Variants in ERBB4 observed in about 807,000 individuals in gnomAD.
The protein encoded by ERBB4 is receptor tyrosine-protein kinase erbB-4.
A neutral mutation model predicts 158.0 loss-of-function variants in ERBB4; 42 were observed. That is an observed-to-expected ratio of 0.27 (90% CI 0.21 to 0.34). The LOEUF (loss-of-function observed/expected upper bound fraction) is 0.34, where lower values mean the gene tolerates loss of function less well. ERBB4 is among the 10% of genes least tolerant of loss of function. ERBB4 has a pLI of 1.00. For synonymous variants in ERBB4, 583 were observed against 558.7 expected (o/e 1.04, Z -0.61); for missense variants, 1,333 against 1,624.1 (o/e 0.82, Z 3.08).
intron 1 of ERBB4, among the ~76,000 whole-genome samples, chr2:212,317,687 T>C (rs551284246): frequency 2.0e-4 from 30 of 151,706 alleles, no homozygotes; most frequent in Admixed American, 1.5e-3. Flanking sequence ...TCCAGTCCCA[T>C]GCTTTACAGA....
intron 1 of ERBB4, among the ~76,000 whole-genome samples, chr2:212,191,596 CATGT>C (rs1225426682): frequency 7.8e-5 from 11 of 141,702 alleles, no homozygotes; most frequent in Non-Finnish European, 9.0e-5. Flanking sequence ...ATATATAACA[CATGT>C]GTTATGCCTG....
rs1575317125 is a variant in ERBB4 at position 211,886,145 on chromosome 2, C to T, written c.421+61285G>A. Among the ~76,000 whole-genome samples the T allele has an allele frequency of 2.0e-5, 3 of 152,296 alleles. 1 individual carries two copies. Among genetic ancestry groups the T allele is most frequent in the Admixed American group, 1.3e-4 (2 of 15,294 alleles). ...TTCTGTTTTCTCTGTCTTAGATACA[C>T]TCATCACAGGTATCTGCTGAGTTCT... On this transcript the variant is annotated intron_variant, in intron 3 of 27. Transcript: ENST00000342788.
chr2:212,535,537 TCTA>T (rs1693003619), intron 1 of ERBB4, among the ~76,000 whole-genome samples: 1 of 152,180 alleles, frequency 6.6e-6, no homozygotes, highest in South Asian at 2.1e-4. Flanking sequence ...TCATCGTTTA[TCTA>T]CTAAGGTATA....
chr2:211,475,942 A>G (rs2064942479), intron 20 of ERBB4, among the ~76,000 whole-genome samples: 3 of 152,176 alleles, frequency 2.0e-5, no homozygotes, highest in Admixed American at 2.0e-4. Flanking sequence ...AAATAACAAA[A>G]TAACTACACG....
At chr2:211,903,152 C>T (rs942423343) in intron 3 of ERBB4, among the ~76,000 whole-genome samples, 2 of 145,876 alleles carry the variant, frequency 1.4e-5, no homozygotes, top group Non-Finnish European at 3.0e-5. Context: ...TTCAAATCAT[C>T]AGATTGAGTG....
intron 1 of ERBB4, among the ~76,000 whole-genome samples, chr2:212,388,270 C>T (rs1198629698): frequency 1.3e-5 from 2 of 152,046 alleles, no homozygotes; most frequent in African/African-American, 4.8e-5. Flanking sequence ...TAATAGGTTG[C>T]TGCATGATTT....
intron 7 of ERBB4, among the ~76,000 whole-genome samples, chr2:211,721,338 A>G (rs1022310873): frequency 2.0e-5 from 3 of 150,672 alleles, no homozygotes; most frequent in African/African-American, 4.9e-5. Context: ...GTCACATTAT[A>G]TGTATAGCAC....
intron 1 of ERBB4, among the ~76,000 whole-genome samples, chr2:212,254,942 A>G (rs903466826): frequency 1.3e-5 from 2 of 152,196 alleles, no homozygotes; most frequent in African/African-American, 4.8e-5. Context: ...AAACATTCAG[A>G]TGTCACCTAA....
intron 20 of ERBB4, among the ~76,000 whole-genome samples, chr2:211,542,583 G>A (rs1052573766): frequency 3.9e-5 from 6 of 151,954 alleles, no homozygotes; most frequent in African/African-American, 1.4e-4. Flanking sequence ...GTTAGAAGAT[G>A]TTCTAAAAAT....
At chr2:211,489,481 TA>T (rs1574593791) in intron 20 of ERBB4, among the ~76,000 whole-genome samples, 1 of 152,010 alleles carries the variant, frequency 6.6e-6, no homozygotes, top group Non-Finnish European at 1.5e-5. Context: ...TGAACAATAC[TA>T]AATGCTGGCT....
chr2:212,273,118 C>A (rs1362566112), intron 1 of ERBB4, among the ~76,000 whole-genome samples: 5 of 151,736 alleles, frequency 3.3e-5, no homozygotes, highest in Admixed American at 3.3e-4. Context: ...CTTTCTTTCA[C>A]CATTTCTGGA....
intron 15 of ERBB4, among the ~76,000 whole-genome samples, chr2:211,663,277 T>C (rs911852091): frequency 6.6e-6 from 1 of 152,152 alleles, no homozygotes; most frequent in Admixed American, 6.6e-5. Context: ...ATGAAGGTGT[T>C]TTAAAAACAG....
chr2:211,442,402 CCA>C (rs1305405925), intron 20 of ERBB4, among the ~76,000 whole-genome samples: 5 of 152,104 alleles, frequency 3.3e-5, no homozygotes, highest in African/African-American at 1.2e-4. Flanking sequence ...ATCCATCCAT[CCA>C]TCCATCCATC....
chr2:211,689,238 T>TG (rs1398939791), intron 12 of ERBB4, among the ~76,000 whole-genome samples: 15 of 152,166 alleles, frequency 9.9e-5, no homozygotes, highest in Non-Finnish European at 5.9e-5. Flanking sequence ...TCTGTTGCCC[T>TG]GGCTGGAGTG....
chr2:212,442,254 T>C (rs1007420269), intron 1 of ERBB4, among the ~76,000 whole-genome samples: 1 of 152,080 alleles, frequency 6.6e-6, no homozygotes, highest in Non-Finnish European at 1.5e-5. Flanking sequence ...AAGACTAATT[T>C]GAATTACAAA....
At chr2:212,079,136 T>G (rs2078359957) in intron 2 of ERBB4, among the ~76,000 whole-genome samples, 1 of 151,374 alleles carries the variant, frequency 6.6e-6, no homozygotes. Context: ...TTTATATATA[T>G]GTATCAGATA....
chr2:211,634,373 T>C (rs528323495), intron 16 of ERBB4, among the ~76,000 whole-genome samples: 6 of 152,326 alleles, frequency 3.9e-5, no homozygotes, highest in Middle Eastern at 3.4e-3. Context: ...ATTACTATTA[T>C]GTTTCTTACA....
intron 1 of ERBB4, among the ~76,000 whole-genome samples, chr2:212,283,521 AAATAAG>A (rs1416952168): frequency 6.6e-6 from 1 of 152,020 alleles, no homozygotes; most frequent in African/African-American, 2.4e-5. Flanking sequence ...GTTTCATGCA[AAATAAG>A]ATATGTATCA....
At chr2:212,334,043 T>A (rs951040716) in intron 1 of ERBB4, among the ~76,000 whole-genome samples, 10 of 152,170 alleles carry the variant, frequency 6.6e-5, no homozygotes, top group African/African-American at 2.4e-4. Flanking sequence ...TCTTTCAATT[T>A]ATAATTCTAA....
Sources: gnomAD v4.1 joint callset for allele counts (sites outside exome capture counted in the v4.1 genomes callset) on GRCh38, gnomAD v4.1.1 for gene constraint, MANE v1.5 for transcripts, NCBI Gene and HGNC (gene_info 2026-07-23, HGNC 2026-07-21) for gene names.